CLDN16: variants seen among roughly 807,000 people sequenced by gnomAD.
CLDN16 encodes claudin-16.
CLDN16 carries 13 observed loss-of-function variants against 24.6 expected under a neutral mutation model. That is an observed-to-expected ratio of 0.53 (90% CI 0.34 to 0.84). The LOEUF is 0.84. Among genes scored for constraint, CLDN16 ranks in the 40% least tolerant of loss-of-function variants. The pLI, the probability that CLDN16 is intolerant of heterozygous loss-of-function variation, is 0.01. For synonymous variants in CLDN16, 116 were observed against 106.7 expected (o/e 1.09, Z -0.54); for missense variants, 298 against 292.7 (o/e 1.02, Z -0.13).
chr3:190,373,376 C>T (rs890678965), intron 2 of CLDN16, among the ~76,000 whole-genome samples: 1 of 151,894 alleles, frequency 6.6e-6, no homozygotes, highest in African/African-American at 2.4e-5. Context: ...ATTTTATGAA[C>T]AGTTTCATTA....
the CLDN16 span, among the ~76,000 whole-genome samples, chr3:190,301,208 G>A: frequency 6.6e-6 from 1 of 152,008 alleles, no homozygotes; most frequent in Admixed American, 6.6e-5. Context: ...AGACGACTAT[G>A]TCCAGGTTGG....
intron 1 of CLDN16, among the ~76,000 whole-genome samples, chr3:190,370,272 A>G (rs1179124364): frequency 1.3e-5 from 2 of 151,996 alleles, no homozygotes; most frequent in Admixed American, 1.3e-4. Flanking sequence ...AGCTATTTCC[A>G]TATAATCCTG....
the CLDN16 span, among the ~76,000 whole-genome samples, chr3:190,309,757 A>AC: frequency 4.3e-4 from 66 of 152,310 alleles, no homozygotes; most frequent in African/African-American, 1.4e-3. Context: ...TTATTCATTA[A>AC]CCCCTATAGT....
In CLDN16 at chr3:190,410,160, T is replaced by A; in HGVS notation, c.*124T>A. 2.7e-6 allele frequency: 3 copies of A among 1,127,808 alleles called. No individual in the cohort carries two copies. The highest frequency in any genetic ancestry group is 2.7e-6 in the Non-Finnish European group (2 of 754,612). The allele number at this position is 1,127,808 out of a possible 1,614,324, so 69.9% of individuals were successfully genotyped here. ...ATATTGAATTAAATTAATTGCTAGC[T>A]TAATCAAAATGTTTGATTCTCCTAT... is the stretch of plus-strand genomic sequence containing the variant. On this transcript the variant is annotated 3_prime_UTR_variant, in exon 5 of 5. Coordinates refer to ENST00000264734, the MANE Select transcript of CLDN16 (RefSeq NM_006580.4).
intron 1 of CLDN16, 47 bp from the exon 2 acceptor site, chr3:190,402,290 C>A: frequency 7.1e-7 from 1 of 1,405,988 alleles, no homozygotes; most frequent in Non-Finnish European, 1.0e-6. Context: ...GGGAACTGAA[C>A]TGTGCCTGCA....
At chr3:190,353,299 C>T (rs984582691) in intron 1 of CLDN16, among the ~76,000 whole-genome samples, 2 of 152,066 alleles carry the variant, frequency 1.3e-5, no homozygotes, top group African/African-American at 2.4e-5. Flanking sequence ...TTCTTCTCTT[C>T]AACCTACTTT....
chr3:190,397,500 T>A (rs115632748), intron 1 of CLDN16, among the ~76,000 whole-genome samples: 1,741 of 152,324 alleles, frequency 0.011, 31 homozygotes, highest in African/African-American at 0.04. Context: ...GAATTTAGAT[T>A]TGCTTGCTTT....
At chr3:190,393,995 C>T (rs1350771584) in intron 1 of CLDN16, among the ~76,000 whole-genome samples, 3 of 152,016 alleles carry the variant, frequency 2.0e-5, no homozygotes, top group Non-Finnish European at 2.9e-5. Context: ...TCAGGTGATC[C>T]GCCCACCTCA....
chr3:190,399,333 G>A lies in CLDN16; in HGVS notation c.115-3004G>A, dbSNP rs182058132. 2.7e-3 allele frequency among the ~76,000 whole-genome samples: 386 copies of A among 140,660 alleles called. 3 individuals are homozygous for A. Among genetic ancestry groups the A allele is most frequent in the African/African-American group, 0.01 (375 of 37,064 alleles). The allele number at this position is 140,660 out of a possible 152,430, so 92.3% of individuals were successfully genotyped here. ...AGCCTGACCAACATGGGGAAACCCC[G>A]TCTCTACTAAAAATACTTAAAAAAA... On this transcript the variant is annotated intron_variant, in intron 1 of 4. Transcript: ENST00000264734.
At chr3:190,349,482 C>T (rs1169723588) in intron 1 of CLDN16, among the ~76,000 whole-genome samples, 2 of 152,178 alleles carry the variant, frequency 1.3e-5, no homozygotes, top group Non-Finnish European at 2.9e-5. Context: ...GTATTTATAG[C>T]AGTGCAAGAA....
At chr3:190,329,951 T>C (rs1014939242) in intron 1 of CLDN16, among the ~76,000 whole-genome samples, 7 of 152,022 alleles carry the variant, frequency 4.6e-5, no homozygotes, top group African/African-American at 1.7e-4. Flanking sequence ...AAAAGTATGA[T>C]GGGGTTGGAT....
At chr3:190,374,108 A>G (rs938424969) in intron 2 of CLDN16, among the ~76,000 whole-genome samples, 1 of 151,948 alleles carries the variant, frequency 6.6e-6, no homozygotes, top group African/African-American at 2.4e-5. Context: ...TTTATGTCAT[A>G]TAAACATAGA....
intron 1 of CLDN16, among the ~76,000 whole-genome samples, chr3:190,367,094 ACTGTTTTTCATATCTTGCTCCC>A (rs530671965): frequency 1.4e-4 from 22 of 152,014 alleles, no homozygotes; most frequent in Admixed American, 7.9e-4. Context: ...TTTAGTCGAC[ACTGTTTTTCATATCTTGCTCCC>A]CTTTGATTAG....
chr3:190,388,054 C>A (rs1165566495), upstream of CLDN16: 2 of 1,469,092 alleles, frequency 1.4e-6, no homozygotes, highest in South Asian at 1.2e-5. Context: ...CCTCTCTCCC[C>A]CACCCGAAAC....
chr3:190,343,340 G>A (rs898472766), intron 1 of CLDN16, among the ~76,000 whole-genome samples: 6 of 151,958 alleles, frequency 3.9e-5, no homozygotes, highest in Non-Finnish European at 7.4e-5. Context: ...AGAAAGGGAA[G>A]CCTTGTACAC....
At chr3:190,299,870 G>T in the CLDN16 span, among the ~76,000 whole-genome samples, 40 of 152,188 alleles carry the variant, frequency 2.6e-4, no homozygotes, top group African/African-American at 7.7e-4. Flanking sequence ...CTTCTTTTGC[G>T]TCTTCATCTT....
intron 1 of CLDN16, among the ~76,000 whole-genome samples, chr3:190,340,443 A>T (rs1560082416): frequency 1.3e-5 from 2 of 152,064 alleles, no homozygotes; most frequent in Admixed American, 6.6e-5. Context: ...TGTGCAGGGG[A>T]ACTCCCATTT....
upstream of CLDN16, among the ~76,000 whole-genome samples, chr3:190,318,037 C>G (rs1361874078): frequency 6.6e-6 from 1 of 152,192 alleles, no homozygotes; most frequent in African/African-American, 2.4e-5. Context: ...AAGTGTACTC[C>G]CCTGGCTTTT....
the CLDN16 span, among the ~76,000 whole-genome samples, chr3:190,294,546 A>T: frequency 2.0e-5 from 3 of 152,312 alleles, no homozygotes; most frequent in South Asian, 6.2e-4. Flanking sequence ...GCCAGTAATA[A>T]TAAAAACAAG....
Sources: allele counts gnomAD v4.1 joint callset (sites outside exome capture counted in the v4.1 genomes callset), GRCh38; gene constraint gnomAD v4.1.1; transcripts MANE v1.5; gene names NCBI Gene and HGNC (gene_info 2026-07-23, HGNC 2026-07-21).